Variants in PPP3CA observed in about 807,000 individuals in gnomAD.
The protein encoded by PPP3CA is CAM-PRP catalytic subunit.
In PPP3CA, 14 loss-of-function variants were observed where a neutral mutation model predicts 66.5. The ratio of observed to expected loss-of-function variants is 0.21; its 90% confidence interval spans 0.14 to 0.33. The LOEUF (loss-of-function observed/expected upper bound fraction) is 0.33, where lower values mean the gene tolerates loss of function less well. Among genes scored for constraint, PPP3CA ranks in the 10% least tolerant of loss-of-function variants. The pLI, the probability that PPP3CA is intolerant of heterozygous loss-of-function variation, is 1.00. For synonymous variants in PPP3CA, 232 were observed against 226.2 expected (o/e 1.03, Z -0.23); for missense variants, 317 against 639.5 (o/e 0.50, Z 5.44).
chr4:101,175,792 T>C (rs1724040814), intron 2 of PPP3CA, among the ~76,000 whole-genome samples: 1 of 152,200 alleles, frequency 6.6e-6, no homozygotes, highest in Non-Finnish European at 1.5e-5. Flanking sequence ...AACCTCAGTA[T>C]AGGAGTGGAG....
At chr4:101,091,401 TCAGCC>T (rs1729934770) in intron 6 of PPP3CA, among the ~76,000 whole-genome samples, 2 of 152,242 alleles carry the variant, frequency 1.3e-5, no homozygotes, top group East Asian at 3.9e-4. Context: ...CGTCTTTAAT[TCAGCC>T]AAAATGGATT....
chr4:101,248,429 G>A (rs1220085240), intron 1 of PPP3CA, among the ~76,000 whole-genome samples: 1 of 152,106 alleles, frequency 6.6e-6, no homozygotes, highest in African/African-American at 2.4e-5. Flanking sequence ...ATTCTTCAGA[G>A]AAAGTCAGCT....
At chr4:101,131,352 T>C (rs1219754675) in intron 2 of PPP3CA, among the ~76,000 whole-genome samples, 2 of 149,740 alleles carry the variant, frequency 1.3e-5, no homozygotes, top group Admixed American at 6.7e-5. Context: ...AGGAGACCCA[T>C]CTCATGTGCA....
At chr4:101,068,423 T>TA (rs922163563) in intron 8 of PPP3CA, among the ~76,000 whole-genome samples, 1 of 152,032 alleles carries the variant, frequency 6.6e-6, no homozygotes. Context: ...ATGCAACTCA[T>TA]AATGTTCTAT....
intron 2 of PPP3CA, among the ~76,000 whole-genome samples, chr4:101,139,696 G>GTTTTTTTTTTTTTTT (rs372257350): frequency 9.1e-5 from 9 of 98,408 alleles, no homozygotes; most frequent in East Asian, 3.3e-4. Context: ...TTTTTTTTGT[G>GTTTTTTTTTTTTTTT]TTTTTTTTTT....
At chr4:101,308,412 G>A (rs563164158) in intron 1 of PPP3CA, among the ~76,000 whole-genome samples, 2 of 152,098 alleles carry the variant, frequency 1.3e-5, no homozygotes, top group South Asian at 2.1e-4. Flanking sequence ...ACAATACCTA[G>A]CATATAGAAT....
intron 2 of PPP3CA, among the ~76,000 whole-genome samples, chr4:101,127,202 C>T (rs754794583): frequency 6.6e-6 from 1 of 151,818 alleles, no homozygotes; most frequent in Non-Finnish European, 1.5e-5. Context: ...TCCATTAGTG[C>T]CCTCTGCTTG....
chr4:101,058,116 C>T (rs956700301), intron 10 of PPP3CA, among the ~76,000 whole-genome samples: 1 of 152,034 alleles, frequency 6.6e-6, no homozygotes, highest in Non-Finnish European at 1.5e-5. Context: ...GACAGGAAAC[C>T]AAGGAAATTA....
Position 101,307,859 on chromosome 4 carries a change from T to A in PPP3CA, c.58+38880A>T, listed in dbSNP as rs760380947. ...TTTTTAAGGACAAACTTCTCTTTTATAAAAATTCTATTTATACTCCAATTC... is the reference window on the plus strand; with the variant it reads ...TTTTTAAGGACAAACTTCTCTTTTAAAAAAATTCTATTTATACTCCAATTC... On this transcript the variant is annotated intron_variant, in intron 1 of 13. Coordinates refer to ENST00000394854, the MANE Select transcript of PPP3CA (RefSeq NM_000944.5). 3.0e-4 allele frequency among the ~76,000 whole-genome samples: 45 copies of A among 152,346 alleles called. No individual in the cohort carries two copies. The Middle Eastern group carries it at 0.014, about 46-fold the overall frequency.
At chr4:101,174,768 C>T (rs1489465229) in intron 2 of PPP3CA, among the ~76,000 whole-genome samples, 11 of 152,060 alleles carry the variant, frequency 7.2e-5, no homozygotes, top group Admixed American at 5.2e-4. Context: ...ACAAAGCCTG[C>T]GGTAAGATTG....
chr4:101,159,443 T>C (rs1304325175), intron 2 of PPP3CA, among the ~76,000 whole-genome samples: 1 of 152,092 alleles, frequency 6.6e-6, no homozygotes, highest in Non-Finnish European at 1.5e-5. Flanking sequence ...GTTTACATTA[T>C]CTAAGGGGAA....
chr4:101,109,663 A>C (rs1721600697), intron 2 of PPP3CA, among the ~76,000 whole-genome samples: 1 of 151,580 alleles, frequency 6.6e-6, no homozygotes, highest in South Asian at 2.1e-4. Flanking sequence ...AGGCAAAAAA[A>C]AAAAAAAAAA....
chr4:101,324,924 TAAG>T (rs2110326865), intron 1 of PPP3CA, among the ~76,000 whole-genome samples: 1 of 152,360 alleles, frequency 6.6e-6, no homozygotes, highest in East Asian at 1.9e-4. Flanking sequence ...TCTTCAGTGT[TAAG>T]AAGCTGGAAC....
At chr4:101,190,028 A>T (rs1039359031) in intron 2 of PPP3CA, among the ~76,000 whole-genome samples, 1 of 152,126 alleles carries the variant, frequency 6.6e-6, no homozygotes, top group East Asian at 1.9e-4. Context: ...GATTGGAAAC[A>T]TGAGTATAAA....
At chr4:101,162,359 C>T (rs1278985145) in intron 2 of PPP3CA, among the ~76,000 whole-genome samples, 2 of 151,858 alleles carry the variant, frequency 1.3e-5, no homozygotes, top group Non-Finnish European at 2.9e-5. Context: ...GGTGAAACCC[C>T]ATCTCTACTA....
intron 2 of PPP3CA, among the ~76,000 whole-genome samples, chr4:101,121,942 T>C (rs896292538): frequency 1.3e-5 from 2 of 152,094 alleles, no homozygotes; most frequent in Admixed American, 6.6e-5. Context: ...GGTCCACACA[T>C]ATGTGAAATG....
chr4:101,240,624 C>A (rs1726274851), intron 1 of PPP3CA, among the ~76,000 whole-genome samples: 1 of 151,902 alleles, frequency 6.6e-6, no homozygotes, highest in Non-Finnish European at 1.5e-5. Context: ...AAGACAGACA[C>A]AAAAGAATAA....
chr4:101,159,477 C>T (rs1414202575), intron 2 of PPP3CA, among the ~76,000 whole-genome samples: 1 of 152,128 alleles, frequency 6.6e-6, no homozygotes, highest in African/African-American at 2.4e-5. Context: ...TTACAGTAAC[C>T]CAACACTTCC....
intron 1 of PPP3CA, among the ~76,000 whole-genome samples, chr4:101,298,691 T>C (rs988038454): frequency 6.6e-6 from 1 of 152,174 alleles, no homozygotes; most frequent in African/African-American, 2.4e-5. Context: ...ACATACACAG[T>C]ATATGTTAAT....
Sources: gnomAD v4.1 joint callset for allele counts (sites outside exome capture counted in the v4.1 genomes callset) on GRCh38, gnomAD v4.1.1 for gene constraint, MANE v1.5 for transcripts, NCBI Gene and HGNC (gene_info 2026-07-23, HGNC 2026-07-21) for gene names.